The following KCNT1 variants were observed in gnomAD, a reference collection of about 807,000 sequenced individuals.
The protein encoded by KCNT1 is potassium channel subfamily T member 1.
In KCNT1, 78 loss-of-function variants were observed where a neutral mutation model predicts 147.8. The observed-to-expected ratio is 0.53, with a 90% CI of 0.44 to 0.64. The LOEUF (loss-of-function observed/expected upper bound fraction) is 0.64, where lower values mean the gene tolerates loss of function less well. Ranked by LOEUF, KCNT1 falls within the 30% of genes least tolerant of loss-of-function variation. The probability of loss-of-function intolerance (pLI) is 0.00; values close to 1 mark genes in which losing one functional copy is unlikely to be tolerated. For synonymous variants in KCNT1, 867 were observed against 748.8 expected, an observed-to-expected ratio of 1.16 and a Z score of -2.58; for missense variants, 1,419 against 1,750.3, an observed-to-expected ratio of 0.81 and a Z score of 3.38.
At chr9:135,740,093 C>CTTATAAGGACACCAGTTTTGTGGGA (rs1251565478) in intron 2 of KCNT1, among the ~76,000 whole-genome samples, 32 of 152,142 alleles carry the variant, frequency 2.1e-4, no homozygotes, top group African/African-American at 7.0e-4. Flanking sequence ...CTCATCTCTT[C>CTTATAAGGACACCAGTTTTGTGGGA]TTATAAGGAC....
Position 135,759,751 on chromosome 9 carries a change from C to G in KCNT1, c.927C>G (p.Ile309Met). Residue 309 changes from isoleucine to methionine, a missense_variant, in exon 11 of 31, where the codon ATC (isoleucine) becomes ATG (methionine). Transcript: ENST00000371757. Reference sequence around the variant, plus strand: ...TCCTGACCTCCTTCTACTTCTGCATCGTCACCTTCTCCACCGTGGGCTACG... The same window carrying G: ...TCCTGACCTCCTTCTACTTCTGCATGGTCACCTTCTCCACCGTGGGCTACG... ...LSLLTSFYFCIVTFSTVGYGD... is the reference protein window; with the variant it reads ...LSLLTSFYFCMVTFSTVGYGD... 1 of 1,613,570 alleles carries G rather than the reference C, an allele frequency of 6.2e-7. No individual in the cohort carries two copies. Among genetic ancestry groups the G allele is most frequent in the Non-Finnish European group, 8.5e-7 (1 of 1,179,846 alleles).
intron 2 of KCNT1, among the ~76,000 whole-genome samples, chr9:135,743,061 C>T (rs1279827835): frequency 1.3e-5 from 2 of 152,074 alleles, no homozygotes; most frequent in Admixed American, 6.5e-5. Flanking sequence ...GTGGGTGGTC[C>T]GCAGCCTCAG....
rs1830702817 is a variant in KCNT1 at position 135,744,281 on chromosome 9, C to A, written c.255-5817C>A. 1.3e-5 allele frequency among the ~76,000 whole-genome samples: 2 copies of A among 152,254 alleles called. 1 individual carries two copies. Among genetic ancestry groups the A allele is most frequent in the South Asian group, 4.1e-4 (2 of 4,834 alleles). Reference sequence around the variant, plus strand: ...AGAACTGTTGCCGGCCTCTGCCGACCCCATTTGTCACAGGGCGGCCGGCAC... The same window carrying A: ...AGAACTGTTGCCGGCCTCTGCCGACACCATTTGTCACAGGGCGGCCGGCAC... On this transcript the variant is annotated intron_variant, in intron 2 of 30. Transcript: ENST00000371757.
intron 24 of KCNT1, among the ~76,000 whole-genome samples, chr9:135,781,669 C>A (rs1412154199): frequency 1.3e-5 from 2 of 151,278 alleles, no homozygotes; most frequent in Non-Finnish European, 2.9e-5. Flanking sequence ...AGAAAAGTTA[C>A]CCCAAATCCC....
At chr9:135,742,343 C>T (rs1830606810) in intron 2 of KCNT1, among the ~76,000 whole-genome samples, 1 of 152,210 alleles carries the variant, frequency 6.6e-6, no homozygotes, top group South Asian at 2.1e-4. Flanking sequence ...GGGCTGGCTT[C>T]GTGCTGAGCA....
intron 11 of KCNT1, among the ~76,000 whole-genome samples, chr9:135,764,314 C>T (rs948057687): frequency 2.0e-5 from 3 of 151,060 alleles, no homozygotes. Context: ...ATAAAACTAG[C>T]TGGTCATGGT....
intron 2 of KCNT1, among the ~76,000 whole-genome samples, chr9:135,722,118 C>T (rs1835948674): frequency 6.6e-6 from 1 of 152,114 alleles, no homozygotes; most frequent in Admixed American, 6.5e-5. Context: ...GCTGTGGGGG[C>T]ATGGAGGAGG....
chr9:135,747,111 G>A (rs983836623), intron 2 of KCNT1, among the ~76,000 whole-genome samples: 10 of 152,106 alleles, frequency 6.6e-5, no homozygotes, highest in African/African-American at 2.4e-4. Context: ...AGAGGCACCT[G>A]TGGCAAGCCC....
Position 135,770,359 on chromosome 9 carries a change from G to C in KCNT1, c.1681G>C (p.Val561Leu). Reference sequence around the variant, plus strand: ...GTATGGGCGCTGCTCCGGCAACGAGGTGTACCACATCCGCATGGGTGACAG... The same window carrying C: ...GTATGGGCGCTGCTCCGGCAACGAGCTGTACCACATCCGCATGGGTGACAG... ...RMYGRCSGNE[V>L]YHIRMGDSKF... is the part of the protein sequence containing the mutation. Residue 561 changes from valine (V) to leucine (L), a missense_variant, in exon 17 of 31, where the codon GTG becomes CTG. By Grantham distance (32) the Val-to-Leu change is conservative. Around this residue, in one of 5 missense-constraint regions of KCNT1, gnomAD observed 284 missense variants for 292.8 expected, o/e 0.97. Coordinates refer to ENST00000371757, the MANE Select transcript of KCNT1 (RefSeq NM_020822.3). 6.2e-7 allele frequency: 1 copy of C among 1,613,110 alleles called. No individual in the cohort carries two copies. Among genetic ancestry groups the C allele is most frequent in the Non-Finnish European group, 8.5e-7 (1 of 1,179,778 alleles).
intron 29 of KCNT1, among the ~76,000 whole-genome samples, chr9:135,786,831 C>T (rs1322023863): frequency 1.3e-5 from 2 of 152,256 alleles, no homozygotes; most frequent in East Asian, 1.9e-4. Context: ...GCTTCCACTG[C>T]TCTGGGGCCT....
intron 19 of KCNT1, among the ~76,000 whole-genome samples, chr9:135,774,237 G>T (rs11507047): frequency 5.4e-5 from 8 of 148,850 alleles, no homozygotes; most frequent in Admixed American, 1.3e-4. Context: ...GTTGTGTGTG[G>T]TGTGTGTCCG....
chr9:135,734,415 A>G (rs1198144608), intron 2 of KCNT1, among the ~76,000 whole-genome samples: 2 of 152,212 alleles, frequency 1.3e-5, no homozygotes, highest in Admixed American at 6.5e-5. Flanking sequence ...CCACATGGGA[A>G]TCATCTCACT....
In KCNT1 at chr9:135,786,187, C is replaced by CCCTGCCCAGT. The variant is rs1482239812; in HGVS notation, c.3178-7_3180dup. The CCCTGCCCAGT allele has an allele frequency of 1.2e-6, 2 of 1,601,660 alleles. No homozygotes were observed. Among genetic ancestry groups the CCCTGCCCAGT allele is most frequent in the Non-Finnish European group, 8.5e-7 (1 of 1,173,208 alleles). ...CCCCTCCCCGCCCTGCCCTGCCCTG[C>CCCTGCCCAGT]CCTGCCCAGTCCCAGATCTCGGTGA... On this transcript the variant is annotated splice_polypyrimidine_tract_variant and intron_variant, in intron 28 of 30. Transcript: ENST00000371757.
chr9:135,746,806 G>A (rs925486447), intron 2 of KCNT1, among the ~76,000 whole-genome samples: 3 of 152,106 alleles, frequency 2.0e-5, no homozygotes, highest in African/African-American at 4.8e-5. Flanking sequence ...GGGCACCCCC[G>A]CCTAGGAGGA....
At chr9:135,709,957 A>G (rs1354926384) in intron 1 of KCNT1, among the ~76,000 whole-genome samples, 1 of 152,220 alleles carries the variant, frequency 6.6e-6, no homozygotes, top group African/African-American at 2.4e-5. Context: ...CTGGGATGAC[A>G]GGCTTGAGCC....
In KCNT1 at chr9:135,779,536, CAG is replaced by C. The variant is rs1361422721; in HGVS notation, c.2841+67_2841+68del. On this transcript the variant is annotated intron_variant, in intron 24 of 30. Transcript: ENST00000371757. ...CCAGAAAGAGTGGGAGAAAGGGGCT[CAG>C]GGGAAAGGGGGCCAGTGCCATGGGA... is the stretch of plus-strand genomic sequence containing the variant. 15 of 1,234,626 alleles carry C rather than the reference CAG, an allele frequency of 1.2e-5. No homozygotes were observed. In the Middle Eastern group the frequency reaches 7.6e-4, roughly 62 times the overall value. The allele number at this position is 1,234,626 out of a possible 1,614,324, so 76.5% of individuals were successfully genotyped here.
In KCNT1 at chr9:135,785,290, T is replaced by C. The variant is rs774520067; in HGVS notation, c.3157-20T>C. 34 of 1,612,710 alleles carry C rather than the reference T, an allele frequency of 2.1e-5. No homozygotes were observed. The highest frequency in any genetic ancestry group is 2.7e-5 in the Non-Finnish European group (32 of 1,179,846). On this transcript the variant is annotated intron_variant, in intron 27 of 30. Coordinates refer to ENST00000371757, the MANE Select transcript of KCNT1 (RefSeq NM_020822.3). ...AGGGGTGCGCCCACAGGTCCCAGAC[T>C]GCGCCTGTTTCCTTTGCAGCCCCAC...
At chr9:135,781,431 G>A (rs1055525834) in intron 24 of KCNT1, among the ~76,000 whole-genome samples, 3 of 152,178 alleles carry the variant, frequency 2.0e-5, no homozygotes, top group African/African-American at 4.8e-5. Flanking sequence ...GGAGCCTGTA[G>A]AAGGCACCAG....
At chr9:135,772,176 C>G (rs1832806070) in intron 18 of KCNT1, among the ~76,000 whole-genome samples, 1 of 152,212 alleles carries the variant, frequency 6.6e-6, no homozygotes, top group South Asian at 2.1e-4. Context: ...GCAGTAGGCA[C>G]TCTGCCCCCA....
Sources: allele counts gnomAD v4.1 joint callset (sites outside exome capture counted in the v4.1 genomes callset), GRCh38; gene constraint gnomAD v4.1.1; regional missense constraint gnomAD v4.1.1; transcripts MANE v1.5; gene names NCBI Gene and HGNC (gene_info 2026-07-23, HGNC 2026-07-21).